Variants in ALK observed in about 807,000 individuals in gnomAD.
ALK encodes ALK receptor tyrosine kinase, also known as ALK tyrosine kinase receptor.
In ALK, 74 loss-of-function variants were observed where a neutral mutation model predicts 163.1. The ratio of observed to expected loss-of-function variants is 0.45; its 90% CI spans 0.38 to 0.55. The LOEUF is 0.55. Ranked by LOEUF, ALK falls within the 20% of genes least tolerant of loss-of-function variation. ALK has a pLI of 0.00. For synonymous variants in ALK, 960 were observed against 843.2 expected, an observed-to-expected ratio of 1.14 and a Z score of -2.40; for missense variants, 2,063 against 2,105.3, an observed-to-expected ratio of 0.98 and a Z score of 0.39.
intron 1 of ALK, among the ~76,000 whole-genome samples, chr2:29,783,364 G>C (rs1427077668): frequency 6.6e-6 from 1 of 152,198 alleles, no homozygotes; most frequent in Non-Finnish European, 1.5e-5. Flanking sequence ...CAGTTTTGCT[G>C]TAGGACCAAG....
At chr2:29,554,169 G>A (rs1482995337) in intron 3 of ALK, among the ~76,000 whole-genome samples, 1 of 152,000 alleles carries the variant, frequency 6.6e-6, no homozygotes, top group Non-Finnish European at 1.5e-5. Context: ...TCACTGTAAA[G>A]GTATACCTTG....
chr2:29,246,131 G>A lies in ALK; in HGVS notation c.2204+4974C>T, dbSNP rs1664663836. ...TGTTATATACGATCTGTGTGTGTAT[G>A]GTAGTGGGTGGGGAGGAGATGGGGG... On this transcript the variant is annotated intron_variant, in intron 12 of 28. Coordinates refer to ENST00000389048, the MANE Select transcript of ALK (RefSeq NM_004304.5). This position sits in a 1 kb window ranked among gnomAD's most constrained non-coding sequence, Gnocchi z 4.3. Among the ~76,000 whole-genome samples, 1 of 152,154 alleles carries A rather than the reference G, an allele frequency of 6.6e-6. No individual in the cohort carries two copies. Among genetic ancestry groups the A allele is most frequent in the Non-Finnish European group, 1.5e-5 (1 of 68,010 alleles).
chr2:29,788,186 A>T (rs965480661), intron 1 of ALK, among the ~76,000 whole-genome samples: 1 of 152,200 alleles, frequency 6.6e-6, no homozygotes, highest in Non-Finnish European at 1.5e-5. Flanking sequence ...ACAGCTGGTT[A>T]GATTAAGGAG....
chr2:29,430,359 C>A (rs1670244021), intron 4 of ALK, among the ~76,000 whole-genome samples: 1 of 152,046 alleles, frequency 6.6e-6, no homozygotes, highest in South Asian at 2.1e-4. Context: ...AATAAAAAGA[C>A]AACCAACTAA....
At chr2:29,366,995 G>C (rs990595937) in intron 5 of ALK, among the ~76,000 whole-genome samples, 2 of 151,982 alleles carry the variant, frequency 1.3e-5, no homozygotes, top group African/African-American at 2.4e-5. Context: ...TCTTCCTCCC[G>C]TCATTACTCT....
At chr2:29,813,640 C>T (rs1664815056) in intron 1 of ALK, among the ~76,000 whole-genome samples, 1 of 152,072 alleles carries the variant, frequency 6.6e-6, no homozygotes, top group Admixed American at 6.5e-5. Context: ...AATGAGAGGC[C>T]CTGCCTTGCA....
chr2:29,504,662 G>T (rs10445967), intron 4 of ALK, among the ~76,000 whole-genome samples: 65,532 of 151,794 alleles, frequency 0.43, 15,050 homozygotes, highest in African/African-American at 0.59. Context: ...GCTTGAACAA[G>T]GAGAGAGGCA....
intron 1 of ALK, among the ~76,000 whole-genome samples, chr2:29,795,308 A>G (rs2148360020): frequency 6.6e-6 from 1 of 152,324 alleles, no homozygotes; most frequent in Non-Finnish European, 1.5e-5. Context: ...ATATTTTTAA[A>G]TAATATGCAG....
chr2:29,900,488 A>G (rs1667383116), intron 1 of ALK, among the ~76,000 whole-genome samples: 1 of 152,238 alleles, frequency 6.6e-6, no homozygotes, highest in South Asian at 2.1e-4. Context: ...TTTCCTAAAT[A>G]GGCAAAACGT....
intron 4 of ALK, among the ~76,000 whole-genome samples, chr2:29,510,889 T>C (rs554518123): frequency 6.6e-6 from 1 of 152,158 alleles, no homozygotes; most frequent in African/African-American, 2.4e-5. Flanking sequence ...ATACCACTCA[T>C]GTTCTCTAGC....
At chr2:29,374,793 T>C (rs1668715412) in intron 5 of ALK, among the ~76,000 whole-genome samples, 1 of 152,136 alleles carries the variant, frequency 6.6e-6, no homozygotes. Flanking sequence ...CACGGTAAGT[T>C]AAGGGCAGGA....
chr2:29,319,050 C>CA (rs1316645250), intron 7 of ALK: 1 of 154,220 alleles, frequency 6.5e-6, no homozygotes, highest in East Asian at 1.9e-4. Context: ...CTGTGACCTT[C>CA]ACTCTCTTCT....
In ALK at chr2:29,402,889, C is replaced by T. The variant is rs146285046; in HGVS notation, c.1155-19030G>A. Among the ~76,000 whole-genome samples, 1,032 of 152,270 alleles carry T rather than the reference C, an allele frequency of 6.8e-3. 14 individuals are homozygous for T. Among genetic ancestry groups the T allele is most frequent in the African/African-American group, 0.023 (968 of 41,554 alleles). The stretch of plus-strand genomic sequence containing the variant: ...ACAAATCCCTCCTCCTCCCTACCCC[C>T]TCTTTGTTACCCCCAATTCTTTTCC... On this transcript the variant is annotated intron_variant, in intron 4 of 28. Coordinates refer to ENST00000389048, the MANE Select transcript of ALK (RefSeq NM_004304.5).
intron 4 of ALK, among the ~76,000 whole-genome samples, chr2:29,518,051 G>A (rs1225706812): frequency 1.3e-5 from 2 of 152,212 alleles, no homozygotes; most frequent in Non-Finnish European, 2.9e-5. Context: ...AACAGGGTTG[G>A]TGGTGGGCTG....
chr2:29,895,792 G>T (rs1014189641), intron 1 of ALK, among the ~76,000 whole-genome samples: 1 of 152,120 alleles, frequency 6.6e-6, no homozygotes, highest in Non-Finnish European at 1.5e-5. Flanking sequence ...GCTCTCCTAG[G>T]TCATTTCTTT....
intron 1 of ALK, among the ~76,000 whole-genome samples, chr2:29,776,130 G>C (rs1200270980): frequency 6.6e-6 from 1 of 151,362 alleles, no homozygotes; most frequent in African/African-American, 2.4e-5. Flanking sequence ...ACAGCACAAG[G>C]CTTAATTATA....
chr2:29,249,067 C>A (rs1324883595), intron 12 of ALK, among the ~76,000 whole-genome samples: 1 of 152,232 alleles, frequency 6.6e-6, no homozygotes, highest in East Asian at 1.9e-4. Flanking sequence ...ACAGCCCCTG[C>A]CACTTACAGA....
At chr2:29,686,807 C>T (rs983109418) in intron 3 of ALK, among the ~76,000 whole-genome samples, 5 of 152,174 alleles carry the variant, frequency 3.3e-5, no homozygotes, top group African/African-American at 4.8e-5. Flanking sequence ...AGGTCCACCC[C>T]TGAGGCAAGC....
chr2:29,720,141 A>G (rs1679380199), intron 1 of ALK, among the ~76,000 whole-genome samples: 1 of 151,940 alleles, frequency 6.6e-6, no homozygotes, highest in South Asian at 2.1e-4. Context: ...GCACTTATGA[A>G]TCTGTGAATG....
Sources: gnomAD v4.1 joint callset for allele counts (sites outside exome capture counted in the v4.1 genomes callset) on GRCh38, gnomAD v4.1.1 for gene constraint, Gnocchi (gnomAD v3.1) non-coding constraint, MANE v1.5 for transcripts, NCBI Gene and HGNC (gene_info 2026-07-23, HGNC 2026-07-21) for gene names.